The following PCDHGA11 variants were observed in gnomAD, a reference collection of about 807,000 sequenced individuals.
PCDHGA11 encodes the protein protocadherin gamma-A11.
PCDHGA11 carries 39 observed loss-of-function variants against 60.4 expected under a neutral mutation model. That is an observed-to-expected ratio of 0.65 (90% CI 0.50 to 0.84). PCDHGA11 has a LOEUF of 0.84. Among genes scored for constraint, PCDHGA11 ranks in the 40% least tolerant of loss-of-function variants. The pLI is 0.00. For synonymous variants in PCDHGA11, 533 were observed against 510.3 expected (o/e 1.04, Z -0.60); for missense variants, 1,165 against 1,197.7 (o/e 0.97, Z 0.40).
At position 141,431,590 on chromosome 5, in the gene PCDHGA11, G is replaced by A; in HGVS notation, c.2433+7930G>A. On this transcript the variant is annotated intron_variant, in intron 1 of 3. Transcript: ENST00000398587. The surrounding 1 kb of genome is among the most constrained non-coding windows in gnomAD (Gnocchi z 4.8). ...CTGACGAAGGAGTCAATGCGGAAGT[G>A]AGGTATTCCTTCCGGTATGTGGACG... 1.2e-6 allele frequency: 2 copies of A among 1,614,240 alleles called. No homozygotes were observed. Among genetic ancestry groups the A allele is most frequent in the South Asian group, 1.1e-5 (1 of 91,090 alleles).
rs186593502 is a variant in PCDHGA11 at position 141,429,415 on chromosome 5, A to G, written c.2433+5755A>G. Among the ~76,000 whole-genome samples, 582 of 151,976 alleles carry G rather than the reference A, an allele frequency of 3.8e-3. 6 individuals carry two copies. The highest frequency in any genetic ancestry group is 0.011 in the Admixed American group (171 of 15,260). ...AAAAAATTGAGATTAAGGTCTCATT[A>G]TGTTGCCCAGGCTGGACTCAAACTC... is the stretch of plus-strand genomic sequence containing the variant. On this transcript the variant is annotated intron_variant, in intron 1 of 3. Transcript: ENST00000398587.
intron 2 of PCDHGA11, among the ~76,000 whole-genome samples, chr5:141,502,428 A>C (rs2099814217): frequency 6.6e-6 from 1 of 151,978 alleles, no homozygotes; most frequent in South Asian, 2.1e-4. Flanking sequence ...CTATTCTCTG[A>C]TGGTTAGATT....
chr5:141,433,767 G>T (rs1237334342), intron 1 of PCDHGA11, among the ~76,000 whole-genome samples: 1 of 151,532 alleles, frequency 6.6e-6, no homozygotes, highest in Non-Finnish European at 1.5e-5. Flanking sequence ...AACCTGGGAG[G>T]TGGAGGTTGC....
chr5:141,449,078 C>T (rs1342751417), intron 1 of PCDHGA11, among the ~76,000 whole-genome samples: 1 of 152,052 alleles, frequency 6.6e-6, no homozygotes, highest in Non-Finnish European at 1.5e-5. Flanking sequence ...AGCCCTGTAC[C>T]TACATCAGTT....
chr5:141,476,920 A>G lies in PCDHGA11; in HGVS notation c.2434-17887A>G. The G allele has an allele frequency of 6.2e-7, 1 of 1,614,094 alleles. No individual in the cohort carries two copies. The highest frequency in any genetic ancestry group is 1.1e-5 in the South Asian group (1 of 91,088). On this transcript the variant is annotated intron_variant, in intron 1 of 3. Coordinates refer to ENST00000398587, the MANE Select transcript of PCDHGA11 (RefSeq NM_018914.3). This position sits in a 1 kb window ranked among gnomAD's most constrained non-coding sequence, Gnocchi z 7.6. ...GCACGCGCGTGGTACAAGTCCTTGC[A>G]ACGGATCTGGATGAAGGCCCCAACG...
chr5:141,498,509 C>T (rs2099784058), intron 2 of PCDHGA11, among the ~76,000 whole-genome samples: 1 of 151,740 alleles, frequency 6.6e-6, no homozygotes, highest in East Asian at 1.9e-4. Flanking sequence ...TCCCTCCCCA[C>T]CATCTTGCCC....
chr5:141,467,715 G>C (rs904101145), intron 1 of PCDHGA11, among the ~76,000 whole-genome samples: 1 of 152,022 alleles, frequency 6.6e-6, no homozygotes, highest in Non-Finnish European at 1.5e-5. Flanking sequence ...AGGCTGGAGT[G>C]TAGTGGCACA....
At position 141,511,871 on chromosome 5, in the gene PCDHGA11, A is replaced by T. The variant is rs1306732557; in HGVS notation, c.*698A>T. On this transcript the variant is annotated 3_prime_UTR_variant, in exon 4 of 4. Coordinates refer to ENST00000398587, the MANE Select transcript of PCDHGA11 (RefSeq NM_018914.3). ...TTGTTTTTCATTGTTTGACGTTTCCACTGCATGCCTTGACTTCCCCCACCT... is the reference window on the plus strand; with the variant it reads ...TTGTTTTTCATTGTTTGACGTTTCCTCTGCATGCCTTGACTTCCCCCACCT... 1 of 156,376 alleles carries T rather than the reference A, an allele frequency of 6.4e-6. No homozygotes were observed. The highest frequency in any genetic ancestry group is 1.9e-4 in the East Asian group (1 of 5,268). 9.7% of individuals were successfully genotyped at this position (156,376 alleles called of 1,614,324 possible).
chr5:141,425,897 A>G (rs893972047), intron 1 of PCDHGA11, among the ~76,000 whole-genome samples: 1 of 152,240 alleles, frequency 6.6e-6, no homozygotes, highest in African/African-American at 2.4e-5. Context: ...TTTGGTAGTA[A>G]ACACTGGAAA....
At chr5:141,494,250 G>C (rs908660385) in intron 1 of PCDHGA11, among the ~76,000 whole-genome samples, 3 of 152,182 alleles carry the variant, frequency 2.0e-5, no homozygotes, top group African/African-American at 7.2e-5. Flanking sequence ...TTTAGCTGTG[G>C]GAAGAGATTC....
rs200879435 is a variant in PCDHGA11, at chr5:141,422,011, G to T, written c.784G>T (p.Val262Leu). ...AGAAAACATCAGCTCCGGAACTCGG[G>T]TGCTGATGGTTAATGCAACGGATCC... Reference protein sequence around the residue: ...VPENISSGTRVLMVNATDPDE... With the variant: ...VPENISSGTRLLMVNATDPDE... Residue 262 changes from valine (V) to leucine (L), a missense_variant, in exon 1 of 4, where the codon GTG becomes TTG. Coordinates refer to ENST00000398587, the MANE Select transcript of PCDHGA11 (RefSeq NM_018914.3). The T allele has an allele frequency of 1.2e-6, 2 of 1,610,252 alleles. No individual in the cohort carries two copies. The highest frequency in any genetic ancestry group is 2.2e-5 in the East Asian group (1 of 44,856).
rs61612330 is a variant in PCDHGA11 at position 141,454,796 on chromosome 5, A to ATTTTTTTTTT, written c.2433+31156_2433+31165dup. Among the ~76,000 whole-genome samples, 264 of 77,454 alleles carry ATTTTTTTTTT rather than the reference A, an allele frequency of 3.4e-3. 39 individuals carry two copies. Among genetic ancestry groups the ATTTTTTTTTT allele is most frequent in the African/African-American group, 0.012 (196 of 16,878 alleles). 50.8% of individuals were successfully genotyped at this position (77,454 alleles called of 152,430 possible). A position where few individuals can be genotyped will look rare whatever the true frequency, so the allele number is the denominator to read the frequency against. ...AAGGAAATAATCCTCCATGGTTCTA[A>ATTTTTTTTTT]TTTTTTTTTTTTTTTTTTTTTTTTT... On this transcript the variant is annotated intron_variant, in intron 1 of 3. Transcript: ENST00000398587.
Position 141,487,632 on chromosome 5 carries a change from C to G in PCDHGA11, c.2434-7175C>G, listed in dbSNP as rs374506603. The G allele has an allele frequency of 6.2e-7, 1 of 1,614,186 alleles. No homozygotes were observed. Among genetic ancestry groups the G allele is most frequent in the East Asian group, 2.2e-5 (1 of 44,888 alleles). On this transcript the variant is annotated intron_variant, in intron 1 of 3. Coordinates refer to ENST00000398587, the MANE Select transcript of PCDHGA11 (RefSeq NM_018914.3). The surrounding 1 kb of genome is among the most constrained non-coding windows in gnomAD (Gnocchi z 5.0). ...GGGCTAGAGGTGAGACCTTTGCAGG[C>G]TCAACAAATGCTTGAGGGTTATTCT... is the stretch of plus-strand genomic sequence containing the variant.
rs2099623857 is a variant in PCDHGA11, at chr5:141,486,060, A to ACC, written c.2434-8744_2434-8743dup. On this transcript the variant is annotated intron_variant, in intron 1 of 3. Transcript: ENST00000398587. This position sits in a 1 kb window ranked among gnomAD's most constrained non-coding sequence, Gnocchi z 5.0. Reference sequence around the variant, plus strand: ...CGTGTAAGAAACCTCTTTAGCCTGCACCCCACTACTGGAAAGCTTACTCTT... The same window carrying ACC: ...CGTGTAAGAAACCTCTTTAGCCTGCACCCCCCACTACTGGAAAGCTTACTCTT... The ACC allele has an allele frequency of 1.2e-6, 2 of 1,613,980 alleles. No homozygotes were observed. The highest frequency in any genetic ancestry group is 1.7e-6 in the Non-Finnish European group (2 of 1,179,980).
intron 3 of PCDHGA11, among the ~76,000 whole-genome samples, chr5:141,510,440 C>T (rs1251795430): frequency 6.6e-6 from 1 of 152,066 alleles, no homozygotes; most frequent in Non-Finnish European, 1.5e-5. Context: ...TGCTGCCCTC[C>T]AGGAGCCCAT....
chr5:141,427,260 AC>A (rs1388196814), intron 1 of PCDHGA11: 1 of 456,770 alleles, frequency 2.2e-6, no homozygotes, highest in Admixed American at 2.3e-5. Flanking sequence ...TGGAGGCATG[AC>A]CAGCGAATGT....
At chr5:141,465,338 G>C (rs908157154) in intron 1 of PCDHGA11, among the ~76,000 whole-genome samples, 6 of 151,962 alleles carry the variant, frequency 3.9e-5, no homozygotes, top group Admixed American at 2.6e-4. Context: ...TTTTATATTG[G>C]TTACTGAAGA....
In PCDHGA11 at chr5:141,503,070, G is replaced by A. The variant is rs868143537; in HGVS notation, c.2493-2323G>A. 1.5e-4 allele frequency among the ~76,000 whole-genome samples: 23 copies of A among 151,614 alleles called. No individual in the cohort carries two copies. The Middle Eastern group carries it at 0.01, about 68-fold the overall frequency. On this transcript the variant is annotated intron_variant, in intron 2 of 3. Coordinates refer to ENST00000398587, the MANE Select transcript of PCDHGA11 (RefSeq NM_018914.3). ...GGGTTTCACCATGTTGGTCAGAATGGTCTCGATCTCCTGACCTCGTGGTCT... is the reference window on the plus strand; with the variant it reads ...GGGTTTCACCATGTTGGTCAGAATGATCTCGATCTCCTGACCTCGTGGTCT...
intron 1 of PCDHGA11, among the ~76,000 whole-genome samples, chr5:141,457,543 A>G (rs555448211): frequency 2.6e-5 from 4 of 152,346 alleles, no homozygotes; most frequent in African/African-American, 9.6e-5. Flanking sequence ...TTAATGACAA[A>G]TGTATGATAA....
Sources: allele counts gnomAD v4.1 joint callset (sites outside exome capture counted in the v4.1 genomes callset), GRCh38; gene constraint gnomAD v4.1.1; non-coding constraint Gnocchi (gnomAD v3.1); transcripts MANE v1.5; gene names NCBI Gene and HGNC (gene_info 2026-07-23, HGNC 2026-07-21).